The following CD59 variants were observed in gnomAD, a reference collection of about 807,000 sequenced individuals.
CD59 encodes CD59 glycoprotein.
Under a neutral mutation model 7.0 loss-of-function variants are expected in CD59, and 3 were observed. The ratio of observed to expected loss-of-function variants is 0.43; its 90% CI spans 0.19 to 1.10. The LOEUF is 1.10. CD59 is among the 50% of genes least tolerant of loss of function. The pLI, the probability that CD59 is intolerant of heterozygous loss-of-function variation, is 0.29. For missense variants in CD59, 143 were observed against 151.0 expected, an observed-to-expected ratio of 0.95 and a Z score of 0.28; for synonymous variants, 60 against 62.0, an observed-to-expected ratio of 0.97 and a Z score of 0.15.
intron 1 of CD59, among the ~76,000 whole-genome samples, chr11:33,724,815 A>G (rs556159332): frequency 6.6e-6 from 1 of 152,316 alleles, no homozygotes. Context: ...AGCTGATCCC[A>G]TGACATGCTG....
At chr11:33,717,753 G>A (rs1853866477) in intron 2 of CD59, 3 of 410,226 alleles carry the variant, frequency 7.3e-6, no homozygotes, top group Non-Finnish European at 1.4e-5. Context: ...AGATTAGTCT[G>A]CAATGTAATG....
At chr11:33,724,640 GCAGA>G (rs1453616481) in intron 1 of CD59, among the ~76,000 whole-genome samples, 3 of 152,110 alleles carry the variant, frequency 2.0e-5, no homozygotes, top group Admixed American at 6.5e-5. Context: ...CGGTGGGAAG[GCAGA>G]CAGAGGGTGA....
intron 3 of CD59, among the ~76,000 whole-genome samples, chr11:33,713,302 T>C (rs1386972275): frequency 2.6e-5 from 4 of 152,222 alleles, no homozygotes; most frequent in Admixed American, 2.0e-4. Context: ...GCCCTGAAAG[T>C]GGTTTCTTAT....
intron 2 of CD59, among the ~76,000 whole-genome samples, chr11:33,721,802 T>G (rs895877910): frequency 6.6e-6 from 1 of 152,216 alleles, no homozygotes; most frequent in Non-Finnish European, 1.5e-5. Context: ...GTTATTAATT[T>G]TGGGGAGGCC....
At chr11:33,726,509 C>CT in intron 1 of CD59, among the ~76,000 whole-genome samples, 1 of 152,324 alleles carries the variant, frequency 6.6e-6, no homozygotes. Context: ...ACCAGAATCT[C>CT]TGAGACACAT....
At position 33,705,445 on chromosome 11, in the gene CD59, C is replaced by T. The variant is rs889612715; in HGVS notation, c.*4681G>A. 2.0e-5 allele frequency: 3 copies of T among 152,242 alleles called. No individual in the cohort carries two copies. The highest frequency in any genetic ancestry group is 7.2e-5 in the African/African-American group (3 of 41,454). 9.4% of individuals were successfully genotyped at this position (152,242 alleles called of 1,614,324 possible). On this transcript the variant is annotated 3_prime_UTR_variant, in exon 4 of 4. Coordinates refer to ENST00000642928, the MANE Select transcript of CD59 (RefSeq NM_000611.6). Reference sequence around the variant, plus strand: ...TTGGTATGGCCACTATGGTGGTAGACACTGTCTACCTTGTTTGCTGAGTCT... The same window carrying T: ...TTGGTATGGCCACTATGGTGGTAGATACTGTCTACCTTGTTTGCTGAGTCT...
At chr11:33,712,808 T>C (rs1853619393) in intron 3 of CD59, among the ~76,000 whole-genome samples, 1 of 152,194 alleles carries the variant, frequency 6.6e-6, no homozygotes, top group South Asian at 2.1e-4. Context: ...AAACCCTAGA[T>C]GCAGAACAGT....
At chr11:33,723,028 G>A in intron 1 of CD59, 2 of 922,728 alleles carry the variant, frequency 2.2e-6, no homozygotes, top group Non-Finnish European at 2.6e-6. Flanking sequence ...TTACGTGAAT[G>A]CCTAGATGTG....
intron 3 of CD59, among the ~76,000 whole-genome samples, chr11:33,712,557 T>C (rs906410008): frequency 7.9e-5 from 12 of 152,234 alleles, no homozygotes; most frequent in African/African-American, 2.9e-4. Context: ...GTATGATTCC[T>C]TGCATATGAA....
chr11:33,710,263 G>A lies in CD59; in HGVS notation c.250C>T (p.Leu84=). The A allele has an allele frequency of 1.2e-6, 2 of 1,614,142 alleles. No individual in the cohort carries two copies. Among genetic ancestry groups the A allele is most frequent in the Non-Finnish European group, 1.7e-6 (2 of 1,180,000 alleles). ...TCCTTCTTGCAGCAGTAGTACGTTA[G>A]CTCATTTTCCCTCAAGCGGGTTGTG... The part of the protein sequence containing the change: ...DVTTRLRENE[L]TYYCCKKDLC... The change falls in exon 4 of 4, where the codon CTA becomes TTA. Residue 84 remains leucine (L), a synonymous_variant. Coordinates refer to ENST00000642928, the MANE Select transcript of CD59 (RefSeq NM_000611.6).
chr11:33,711,986 A>G (rs142644338), intron 3 of CD59, among the ~76,000 whole-genome samples: 88 of 152,352 alleles, frequency 5.8e-4, no homozygotes, highest in African/African-American at 1.9e-3. Context: ...TATCCATTTG[A>G]CTGAGCAATT....
At chr11:33,723,244 CT>C (rs1302456119) in intron 1 of CD59, among the ~76,000 whole-genome samples, 1 of 152,186 alleles carries the variant, frequency 6.6e-6, no homozygotes, top group Non-Finnish European at 1.5e-5. Context: ...AACCAGGGTA[CT>C]CCATATTCTA....
chr11:33,708,372 A>G lies in CD59; in HGVS notation c.*1754T>C, dbSNP rs1489644028. 1 of 152,158 alleles carries G rather than the reference A, an allele frequency of 6.6e-6. No individual in the cohort carries two copies. The highest frequency in any genetic ancestry group is 2.4e-5 in the African/African-American group (1 of 41,428). The allele number at this position is 152,158 out of a possible 1,614,324, so 9.4% of individuals were successfully genotyped here. A position where few individuals can be genotyped will look rare whatever the true frequency, so the allele number is the denominator to read the frequency against. ...GGGTACATGACACAAGATAGCAGTA[A>G]GCCAATCTCATCCTAGAATCTCAAT... On this transcript the variant is annotated 3_prime_UTR_variant, in exon 4 of 4. Transcript: ENST00000642928.
rs1290283828 is a variant in CD59 at position 33,708,987 on chromosome 11, G to GT, written c.*1138_*1139insA. ...AGATCATAAAATACAAATGTCATTA[G>GT]GTCTACTGAATCTTGAGATTCATTC... is the stretch of plus-strand genomic sequence containing the variant. On this transcript the variant is annotated 3_prime_UTR_variant, in exon 4 of 4. Coordinates refer to ENST00000642928, the MANE Select transcript of CD59 (RefSeq NM_000611.6). 2 of 152,210 alleles carry GT rather than the reference G, an allele frequency of 1.3e-5. No homozygotes were observed. The highest frequency in any genetic ancestry group is 6.5e-5 in the Admixed American group (1 of 15,296). 9.4% of individuals were successfully genotyped at this position (152,210 alleles called of 1,614,324 possible).
chr11:33,717,530 C>T, intron 2 of CD59, 59 bp from the exon 3 acceptor site: 1 of 1,054,478 alleles, frequency 9.5e-7, no homozygotes, highest in Non-Finnish European at 1.5e-6. Flanking sequence ...CCCCTGGCAG[C>T]CCACCATCTC....
intron 1 of CD59, among the ~76,000 whole-genome samples, chr11:33,729,568 C>T (rs984126394): frequency 1.3e-5 from 2 of 151,824 alleles, no homozygotes; most frequent in Non-Finnish European, 2.9e-5. Flanking sequence ...CTAATGTAAA[C>T]GACAAGTTGA....
chr11:33,715,525 T>C (rs1853750245), intron 3 of CD59, among the ~76,000 whole-genome samples: 1 of 152,072 alleles, frequency 6.6e-6, no homozygotes, highest in Admixed American at 6.6e-5. Flanking sequence ...ACTTGAACCC[T>C]GGAGGCAGAG....
In CD59 at chr11:33,727,452, G is replaced by A. The variant is rs1854293563; in HGVS notation, c.-18-4989C>T. On this transcript the variant is annotated intron_variant, in intron 1 of 3. Transcript: ENST00000642928. ...GATTATCTCAATAGACACAGAAAAC[G>A]CCTTCAACAAAATTCAACAGCGCTT... Among the ~76,000 whole-genome samples, 3 of 152,110 alleles carry A rather than the reference G, an allele frequency of 2.0e-5. No individual in the cohort carries two copies. The South Asian group carries it at 6.2e-4, about 32-fold the overall frequency.
chr11:33,735,913 CA>C (rs571280343), intron 1 of CD59, among the ~76,000 whole-genome samples: 20,609 of 139,574 alleles, frequency 0.15, 1,807 homozygotes, highest in Non-Finnish European at 0.21. Flanking sequence ...AACTCCATCT[CA>C]AAAAAAAAAA....
Sources: allele counts gnomAD v4.1 joint callset (sites outside exome capture counted in the v4.1 genomes callset), GRCh38; gene constraint gnomAD v4.1.1; transcripts MANE v1.5; gene names NCBI Gene and HGNC (gene_info 2026-07-23, HGNC 2026-07-21).